ANO3: variants seen among roughly 807,000 people sequenced by gnomAD.
ANO3 encodes the protein anoctamin-3.
A neutral mutation model predicts 144.8 loss-of-function variants in ANO3; 99 were observed. That is an observed-to-expected ratio of 0.68 (90% CI 0.58 to 0.81). ANO3 has a LOEUF of 0.81. Ranked by LOEUF, ANO3 falls within the 30% of genes least tolerant of loss-of-function variation. The pLI, the probability that ANO3 is intolerant of heterozygous loss-of-function variation, is 0.00. For missense variants in ANO3, 905 were observed against 1,202.2 expected (o/e 0.75, Z 3.66); for synonymous variants, 414 against 392.6 (o/e 1.05, Z -0.64).
At chr11:26,479,872 TTCTC>T (rs1860142100) in intron 4 of ANO3, among the ~76,000 whole-genome samples, 1 of 152,204 alleles carries the variant, frequency 6.6e-6, no homozygotes, top group Admixed American at 6.5e-5. Flanking sequence ...TGCTTCCACT[TTCTC>T]TTTATTTTGT....
chr11:26,572,357 T>C (rs966121053), intron 14 of ANO3: 18 of 517,688 alleles, frequency 3.5e-5, no homozygotes, highest in Middle Eastern at 9.7e-4. Flanking sequence ...GGACAAGGTA[T>C]TACTCTCGTC....
chr11:26,481,248 A>T lies in ANO3; in HGVS notation c.432+18100A>T, dbSNP rs78412291. ...ATAGACGATTTTATGTGAAACGGGA[A>T]GTGAGGTTGACCTTAGGGAAAGGAG... On this transcript the variant is annotated intron_variant, in intron 4 of 26. Coordinates refer to ENST00000256737, the MANE Select transcript of ANO3 (RefSeq NM_031418.4). Among the ~76,000 whole-genome samples the T allele has an allele frequency of 6.1e-3, 922 of 152,250 alleles. 10 individuals are homozygous for T. The highest frequency in any genetic ancestry group is 0.02 in the African/African-American group (850 of 41,540).
intron 6 of ANO3, among the ~76,000 whole-genome samples, chr11:26,517,338 T>C (rs78715941): frequency 0.088 from 13,358 of 152,076 alleles, 828 homozygotes; most frequent in Admixed American, 0.14. Flanking sequence ...GAATCATTTC[T>C]CAAGTCAATG....
intron 1 of ANO3, among the ~76,000 whole-genome samples, chr11:26,440,150 T>C (rs1226735236): frequency 2.0e-5 from 3 of 152,102 alleles, no homozygotes; most frequent in Non-Finnish European, 4.4e-5. Context: ...TCAACTCAGG[T>C]GTCAATAAGA....
intron 18 of ANO3, among the ~76,000 whole-genome samples, chr11:26,627,642 A>G (rs1852629386): frequency 6.6e-6 from 1 of 152,172 alleles, no homozygotes; most frequent in Non-Finnish European, 1.5e-5. Context: ...AGGAAACAGA[A>G]CAGTTATTTG....
intron 16 of ANO3, 41 bp from the exon 17 acceptor site, chr11:26,599,509 A>G: frequency 6.3e-7 from 1 of 1,586,326 alleles, no homozygotes; most frequent in South Asian, 1.1e-5. Context: ...CTTGTTAATG[A>G]TGTAAAATAT....
chr11:26,637,833 G>A (rs1853012425), intron 20 of ANO3, among the ~76,000 whole-genome samples: 1 of 152,106 alleles, frequency 6.6e-6, no homozygotes, highest in African/African-American at 2.4e-5. Context: ...AATAGAAACT[G>A]TGGATCAAAG....
At chr11:26,193,678 TTC>T (rs1028993487) in intron 1 of ANO3, among the ~76,000 whole-genome samples, 1 of 152,224 alleles carries the variant, frequency 6.6e-6, no homozygotes, top group Admixed American at 6.5e-5. Context: ...ATATTTGATA[TTC>T]TTATTTTTTT....
At chr11:26,218,743 T>G (rs1424672223) in intron 1 of ANO3, among the ~76,000 whole-genome samples, 1 of 152,198 alleles carries the variant, frequency 6.6e-6, no homozygotes, top group African/African-American at 2.4e-5. Flanking sequence ...TTTTGGTTTG[T>G]TTTTTGTTTT....
intron 4 of ANO3, among the ~76,000 whole-genome samples, chr11:26,485,646 G>A (rs993513206): frequency 6.6e-6 from 1 of 152,120 alleles, no homozygotes; most frequent in African/African-American, 2.4e-5. Flanking sequence ...TTGGTCCTTT[G>A]TATGACTTCC....
chr11:26,541,541 G>T (rs914284496), intron 10 of ANO3, among the ~76,000 whole-genome samples: 7 of 152,054 alleles, frequency 4.6e-5, no homozygotes, highest in Non-Finnish European at 8.8e-5. Context: ...TATAAAAATG[G>T]AAGAAACCTT....
At chr11:26,577,572 A>C (rs1851021632) in intron 14 of ANO3, among the ~76,000 whole-genome samples, 2 of 152,112 alleles carry the variant, frequency 1.3e-5, no homozygotes, top group Admixed American at 6.5e-5. Flanking sequence ...CTCAAAAAAA[A>C]AAAAAAAAGA....
chr11:26,540,348 T>C (rs1329552104), intron 10 of ANO3, among the ~76,000 whole-genome samples: 3 of 152,096 alleles, frequency 2.0e-5, no homozygotes, highest in African/African-American at 7.2e-5. Flanking sequence ...ACTATCTCAA[T>C]AGATGCAGAA....
chr11:26,638,952 T>C (rs1410161626), intron 20 of ANO3, among the ~76,000 whole-genome samples, 192 bp from the exon 21 acceptor site: 2 of 152,152 alleles, frequency 1.3e-5, no homozygotes, highest in Admixed American at 6.6e-5. Flanking sequence ...TTGATTGATA[T>C]TTCGTTATAA....
At chr11:26,591,118 C>G (rs940692186) in intron 14 of ANO3, among the ~76,000 whole-genome samples, 2 of 152,016 alleles carry the variant, frequency 1.3e-5, no homozygotes, top group African/African-American at 4.8e-5. Context: ...GTTACAAGCC[C>G]CGTGTTTAAA....
intron 6 of ANO3, among the ~76,000 whole-genome samples, chr11:26,521,259 C>T (rs116985716): frequency 0.088 from 13,391 of 152,080 alleles, 837 homozygotes; most frequent in Admixed American, 0.14. Flanking sequence ...AAATAGGAAA[C>T]ATATGTATCT....
intron 1 of ANO3, among the ~76,000 whole-genome samples, chr11:26,333,316 C>A (rs138243019): frequency 0.041 from 6,052 of 146,498 alleles, 385 homozygotes; most frequent in African/African-American, 0.14. Context: ...GAGTCTCGCT[C>A]TGTTGCCCAG....
At chr11:26,439,043 A>G (rs1324469499) in intron 1 of ANO3, among the ~76,000 whole-genome samples, 2 of 152,172 alleles carry the variant, frequency 1.3e-5, no homozygotes, top group African/African-American at 4.8e-5. Context: ...AAATTTGTGG[A>G]TAATTGATTG....
chr11:26,308,330 G>T (rs1854430383), upstream of ANO3, among the ~76,000 whole-genome samples: 1 of 152,042 alleles, frequency 6.6e-6, no homozygotes, highest in South Asian at 2.1e-4. Flanking sequence ...CGTCCTCAAG[G>T]TTCCTTTCAG....
Sources: gnomAD v4.1 joint callset for allele counts (sites outside exome capture counted in the v4.1 genomes callset) on GRCh38, gnomAD v4.1.1 for gene constraint, MANE v1.5 for transcripts, NCBI Gene and HGNC (gene_info 2026-07-23, HGNC 2026-07-21) for gene names.